The following FBXW7 variants were observed in gnomAD, a reference collection of about 807,000 sequenced individuals.
FBXW7 encodes F-box and WD repeat domain containing 7.
In FBXW7, 11 loss-of-function variants were observed where a neutral mutation model predicts 86.3. The ratio of observed to expected loss-of-function variants is 0.13; its 90% CI spans 0.08 to 0.21. The LOEUF is 0.21. FBXW7 is among the 10% of genes least tolerant of loss of function. The pLI is 1.00. For synonymous variants in FBXW7, 313 were observed against 297.9 expected (o/e 1.05, Z -0.52); for missense variants, 488 against 847.4 (o/e 0.58, Z 5.27).
chr4:152,450,870 G>A (rs1377627532), intron 2 of FBXW7, among the ~76,000 whole-genome samples: 1 of 152,106 alleles, frequency 6.6e-6, no homozygotes, highest in Non-Finnish European at 1.5e-5. Flanking sequence ...AAGATTCAAA[G>A]GTATAGAATA....
chr4:152,483,054 C>T (rs1195435005), intron 2 of FBXW7, among the ~76,000 whole-genome samples: 1 of 152,012 alleles, frequency 6.6e-6, no homozygotes, highest in Non-Finnish European at 1.5e-5. Flanking sequence ...TGTACCATTT[C>T]CCTACTGGTG....
At chr4:152,447,682 T>G (rs1448368583) in intron 2 of FBXW7, among the ~76,000 whole-genome samples, 2 of 152,140 alleles carry the variant, frequency 1.3e-5, no homozygotes, top group Non-Finnish European at 2.9e-5. Context: ...CAGTATCCCT[T>G]AGAAGTAATA....
At chr4:152,482,692 T>TG (rs1468549681) in intron 2 of FBXW7, among the ~76,000 whole-genome samples, 1 of 152,014 alleles carries the variant, frequency 6.6e-6, no homozygotes, top group African/African-American at 2.4e-5. Flanking sequence ...CAGAACAGGG[T>TG]GGGGGGAGAG....
intron 2 of FBXW7, among the ~76,000 whole-genome samples, chr4:152,438,128 C>CA (rs1740553836): frequency 6.6e-6 from 1 of 152,076 alleles, no homozygotes; most frequent in Non-Finnish European, 1.5e-5. Context: ...GAGCCAATAC[C>CA]ATACCACTGC....
chr4:152,533,559 G>C (rs1012534814), intron 2 of FBXW7, among the ~76,000 whole-genome samples: 5 of 152,188 alleles, frequency 3.3e-5, no homozygotes, highest in Non-Finnish European at 7.3e-5. Flanking sequence ...CCAGAGGAGG[G>C]AAAAGTGGTC....
intron 2 of FBXW7, among the ~76,000 whole-genome samples, chr4:152,494,974 T>C (rs1746188372): frequency 6.6e-6 from 1 of 152,194 alleles, no homozygotes. Context: ...GGACATTAAA[T>C]ACCAGAGTGA....
At chr4:152,410,046 T>G (rs1737793523) in intron 4 of FBXW7, among the ~76,000 whole-genome samples, 1 of 152,220 alleles carries the variant, frequency 6.6e-6, no homozygotes, top group Admixed American at 6.5e-5. Context: ...CTTTTCCTTT[T>G]GGAAAAAGAT....
At chr4:152,461,252 C>T (rs1027018804) in intron 2 of FBXW7, among the ~76,000 whole-genome samples, 2 of 152,012 alleles carry the variant, frequency 1.3e-5, no homozygotes, top group Admixed American at 6.5e-5. Flanking sequence ...GACTCCACCA[C>T]AAAATAAAAT....
chr4:152,382,534 T>C (rs1735185829), intron 4 of FBXW7: 1 of 1,137,684 alleles, frequency 8.8e-7, no homozygotes, highest in African/African-American at 1.6e-5. Context: ...AAGTGCAAAC[T>C]ATCCTAGAAT....
chr4:152,510,404 C>G (rs1404819665), intron 2 of FBXW7, among the ~76,000 whole-genome samples: 2 of 152,274 alleles, frequency 1.3e-5, no homozygotes, highest in Admixed American at 6.5e-5. Context: ...ATACTCCCAA[C>G]AACAGTATGA....
intron 4 of FBXW7, among the ~76,000 whole-genome samples, chr4:152,397,696 A>C (rs1244360447): frequency 2.9e-5 from 1 of 35,042 alleles, no homozygotes; most frequent in Non-Finnish European, 4.4e-5. Flanking sequence ...CTAAGAAGCC[A>C]AAAAAAAAAA....
chr4:152,362,041 C>A (rs1456253903), intron 4 of FBXW7, among the ~76,000 whole-genome samples: 2 of 149,140 alleles, frequency 1.3e-5, no homozygotes, highest in Non-Finnish European at 3.0e-5. Flanking sequence ...ACATTTAATA[C>A]ATGATTCTAA....
At chr4:152,424,526 T>C (rs1474559487) in intron 2 of FBXW7, among the ~76,000 whole-genome samples, 1 of 152,216 alleles carries the variant, frequency 6.6e-6, no homozygotes, top group Non-Finnish European at 1.5e-5. Context: ...GATCTTTTCA[T>C]TTCTGTCACT....
intron 2 of FBXW7, among the ~76,000 whole-genome samples, chr4:152,512,892 C>T (rs1230979410): frequency 1.3e-5 from 2 of 152,188 alleles, no homozygotes; most frequent in African/African-American, 4.8e-5. Flanking sequence ...CGGAGTTTTG[C>T]TCCTGTTGCC....
chr4:152,473,354 T>A (rs1340386121), intron 2 of FBXW7, among the ~76,000 whole-genome samples: 1 of 152,238 alleles, frequency 6.6e-6, no homozygotes, highest in Non-Finnish European at 1.5e-5. Flanking sequence ...TTTAGTAAGA[T>A]GTTGATTTCA....
At chr4:152,333,300 A>AT (rs1729746992) in intron 7 of FBXW7, among the ~76,000 whole-genome samples, 1 of 152,144 alleles carries the variant, frequency 6.6e-6, no homozygotes, top group African/African-American at 2.4e-5. Context: ...TATAAAAGTA[A>AT]TTGAGTTCTG....
chr4:152,324,158 C>T (rs772396458), intron 13 of FBXW7, 26 bp downstream of exon 13: 21 of 1,576,992 alleles, frequency 1.3e-5, no homozygotes, highest in Non-Finnish European at 1.3e-5. Context: ...TTTTAATGAA[C>T]AAAACGAAAG....
intron 6 of FBXW7, among the ~76,000 whole-genome samples, chr4:152,338,662 A>C (rs935968018): frequency 6.6e-6 from 1 of 152,086 alleles, no homozygotes. Context: ...GGATTATCTT[A>C]AAACATTATC....
chr4:152,535,885 G>T lies in FBXW7; in HGVS notation c.-971C>A, dbSNP rs531623881. On this transcript the variant is annotated 5_prime_UTR_variant, in exon 1 of 14. Coordinates refer to ENST00000281708, the MANE Select transcript of FBXW7 (RefSeq NM_001349798.2). ...CGCCGCTGCCGGCCGGGAAGGTGAG[G>T]GGGGGAAAGGAGTGCGGCCGCGGCT... 5.3e-6 allele frequency: 2 copies of T among 373,944 alleles called. No individual in the cohort carries two copies. The highest frequency in any genetic ancestry group is 9.5e-6 in the Non-Finnish European group (2 of 210,080). The allele number at this position is 373,944 out of a possible 1,614,324, so 23.2% of individuals were successfully genotyped here.
Sources: gnomAD v4.1 joint callset for allele counts (sites outside exome capture counted in the v4.1 genomes callset) on GRCh38, gnomAD v4.1.1 for gene constraint, MANE v1.5 for transcripts, NCBI Gene and HGNC (gene_info 2026-07-23, HGNC 2026-07-21) for gene names.